Variants in SLC30A8 observed in about 807,000 individuals in gnomAD.
SLC30A8 encodes proton-coupled zinc antiporter SLC30A8.
A neutral mutation model predicts 36.9 loss-of-function variants in SLC30A8; 27 were observed. The ratio of observed to expected loss-of-function variants is 0.73; its 90% CI spans 0.54 to 1.01. The LOEUF is 1.01. Among genes scored for constraint, SLC30A8 ranks in the 50% least tolerant of loss-of-function variants. SLC30A8 has a pLI of 0.00. For missense variants in SLC30A8, 439 were observed against 452.0 expected (o/e 0.97, Z 0.26); for synonymous variants, 164 against 172.4 (o/e 0.95, Z 0.38).
intron 2 of SLC30A8, among the ~76,000 whole-genome samples, chr8:117,150,634 C>A (rs962523507): frequency 2.6e-5 from 4 of 152,060 alleles, no homozygotes; most frequent in African/African-American, 9.7e-5. Flanking sequence ...GAGACGGGGT[C>A]TCGTTCTGTC....
rs1394603621 is a variant in SLC30A8, at chr8:117,175,660, T to C, written c.*2979T>C. 1 of 152,138 alleles carries C rather than the reference T, an allele frequency of 6.6e-6. No individual in the cohort carries two copies. Among genetic ancestry groups the C allele is most frequent in the Non-Finnish European group, 1.5e-5 (1 of 68,010 alleles). The allele number at this position is 152,138 out of a possible 1,614,324, so 9.4% of individuals were successfully genotyped here. ...AAAAATGTTGGAGCAGTGCATAGCA[T>C]GTAGTGTTCAGTACATGTTAAATGT... On this transcript the variant is annotated 3_prime_UTR_variant, in exon 8 of 8. Transcript: ENST00000456015.
intron 1 of SLC30A8, among the ~76,000 whole-genome samples, chr8:116,977,440 A>G (rs1815085896): frequency 6.7e-6 from 1 of 150,178 alleles, no homozygotes; most frequent in Non-Finnish European, 1.5e-5. Flanking sequence ...GGCGTGAGCC[A>G]CCGTGCCTGG....
chr8:116,977,302 C>T (rs1815076218), intron 1 of SLC30A8, among the ~76,000 whole-genome samples: 1 of 140,940 alleles, frequency 7.1e-6, no homozygotes, highest in Non-Finnish European at 1.6e-5. Flanking sequence ...GCGCCCGCCA[C>T]CACACCTGGC....
At chr8:117,167,149 T>C (rs1161152048) in intron 6 of SLC30A8, among the ~76,000 whole-genome samples, 1 of 152,246 alleles carries the variant, frequency 6.6e-6, no homozygotes, top group East Asian at 1.9e-4. Context: ...AAATGACTTA[T>C]ATTCCGCTTT....
intron 1 of SLC30A8, among the ~76,000 whole-genome samples, chr8:117,145,499 G>A (rs988427664): frequency 1.3e-5 from 2 of 151,898 alleles, no homozygotes; most frequent in Non-Finnish European, 2.9e-5. Flanking sequence ...ATGGTGATAG[G>A]CTAAATGAAA....
At chr8:117,053,993 C>T (rs115005695) in intron 2 of SLC30A8, among the ~76,000 whole-genome samples, 1,772 of 151,810 alleles carry the variant, frequency 0.012, 48 homozygotes, top group African/African-American at 0.04. Context: ...AATCTATGCT[C>T]TTTCCATTAT....
Position 117,002,930 on chromosome 8 carries a change from A to G in SLC30A8, c.-265-36289A>G, listed in dbSNP as rs1203703767. On this transcript the variant is annotated intron_variant, in intron 1 of 10. Coordinates refer to the SLC30A8 transcript ENST00000427715. ...AAGATGTTATTTTTTTTTAGCATCC[A>G]TTCGTTGTGAATTTCAATATTTTGA... Among the ~76,000 whole-genome samples the G allele has an allele frequency of 2.0e-5, 3 of 152,118 alleles. No homozygotes were observed. In the East Asian group the frequency reaches 5.8e-4, roughly 29 times the overall value.
At chr8:117,091,172 A>T (rs1400923293) in intron 2 of SLC30A8, among the ~76,000 whole-genome samples, 2 of 152,068 alleles carry the variant, frequency 1.3e-5, no homozygotes, top group Non-Finnish European at 2.9e-5. Context: ...CTAGCTCTTC[A>T]TGGTGTAACA....
Position 117,157,823 on chromosome 8 carries a change from G to A in SLC30A8, c.551G>A (p.Cys184Tyr), listed in dbSNP as rs761849730. Residue 184 changes from cysteine to tyrosine, a missense_variant, in exon 4 of 8, where the codon TGC becomes TAC. Transcript: ENST00000456015. ...QATVMIIVSS[C>Y]AVAANIVLTV... The stretch of plus-strand genomic sequence containing the variant: ...ACTGTGATGATCATCGTTTCCAGCT[G>A]CGCAGTGGCGGCCAACATTGTGTAA... 31 of 1,614,016 alleles carry A rather than the reference G, an allele frequency of 1.9e-5. No homozygotes were observed. Among genetic ancestry groups the A allele is most frequent in the Non-Finnish European group, 2.6e-5 (31 of 1,180,002 alleles).
chr8:117,010,881 A>T (rs923659807), intron 1 of SLC30A8, among the ~76,000 whole-genome samples: 1 of 152,164 alleles, frequency 6.6e-6, no homozygotes, highest in Non-Finnish European at 1.5e-5. Flanking sequence ...GAACTCTGTC[A>T]CAAGAACAAC....
chr8:117,143,007 A>G (rs1297648880), intron 1 of SLC30A8, among the ~76,000 whole-genome samples: 1 of 152,176 alleles, frequency 6.6e-6, no homozygotes, highest in Non-Finnish European at 1.5e-5. Flanking sequence ...CCCTTCTAAC[A>G]GGAATAGTGA....
chr8:117,099,518 C>T (rs1819618359), intron 2 of SLC30A8, among the ~76,000 whole-genome samples: 1 of 152,096 alleles, frequency 6.6e-6, no homozygotes, highest in African/African-American at 2.4e-5. Flanking sequence ...CTAGAGGTAG[C>T]AGTTTCTCAT....
chr8:116,985,851 CAT>C (rs149527821), intron 1 of SLC30A8, among the ~76,000 whole-genome samples: 3,189 of 152,232 alleles, frequency 0.021, 101 homozygotes, highest in African/African-American at 0.071. Flanking sequence ...GGTGTGCATG[CAT>C]ATGTGTGTCG....
chr8:117,049,693 A>G (rs1285180794), intron 2 of SLC30A8, among the ~76,000 whole-genome samples: 1 of 152,194 alleles, frequency 6.6e-6, no homozygotes, highest in Non-Finnish European at 1.5e-5. Context: ...AATCCTTTGA[A>G]TCACTTCCTG....
intron 2 of SLC30A8, among the ~76,000 whole-genome samples, chr8:117,066,219 G>C (rs2130792068): frequency 6.6e-6 from 1 of 152,298 alleles, no homozygotes; most frequent in East Asian, 1.9e-4. Flanking sequence ...TCTTTCCACT[G>C]TCCTGTTGCT....
At chr8:117,171,650 CA>C (rs1449710802) in intron 7 of SLC30A8, among the ~76,000 whole-genome samples, 1 of 152,126 alleles carries the variant, frequency 6.6e-6, no homozygotes, top group East Asian at 1.9e-4. Context: ...TGGGGTCCCA[CA>C]CTGTATGATT....
chr8:116,992,615 T>A (rs994400740), intron 1 of SLC30A8, among the ~76,000 whole-genome samples: 5 of 152,214 alleles, frequency 3.3e-5, no homozygotes, highest in African/African-American at 9.6e-5. Context: ...GTCCAGCAGT[T>A]TGTATGCAGT....
intron 2 of SLC30A8, among the ~76,000 whole-genome samples, chr8:117,150,560 C>T (rs918405420): frequency 3.3e-5 from 5 of 152,198 alleles, no homozygotes; most frequent in African/African-American, 1.2e-4. Context: ...TGCCCTAGTT[C>T]ATGCCTTTAT....
chr8:117,133,836 C>T (rs967625567), upstream of SLC30A8, among the ~76,000 whole-genome samples: 39 of 151,802 alleles, frequency 2.6e-4, no homozygotes, highest in African/African-American at 8.9e-4. Flanking sequence ...AACAGTAGAC[C>T]CAGGATTTCA....
Sources: allele counts gnomAD v4.1 joint callset (sites outside exome capture counted in the v4.1 genomes callset), GRCh38; gene constraint gnomAD v4.1.1; transcripts MANE v1.5; gene names NCBI Gene and HGNC (gene_info 2026-07-23, HGNC 2026-07-21).